Variants in RBFOX1 observed in about 807,000 individuals in gnomAD.
The protein encoded by RBFOX1 is RNA binding protein fox-1 homolog 1.
Under a neutral mutation model 57.7 loss-of-function variants are expected in RBFOX1, and 8 were observed. That is an observed-to-expected ratio of 0.14 (90% confidence interval 0.08 to 0.25). The LOEUF (loss-of-function observed/expected upper bound fraction) is 0.25. Ranked by LOEUF, RBFOX1 falls within the 10% of genes least tolerant of loss-of-function variation. RBFOX1 has a pLI of 1.00. For missense variants in RBFOX1, 611 were observed against 548.5 expected, an observed-to-expected ratio of 1.11 and a Z score of -1.14; for synonymous variants, 326 against 222.4, an observed-to-expected ratio of 1.47 and a Z score of -4.15.
intron 2 of RBFOX1, among the ~76,000 whole-genome samples, chr16:6,576,621 C>T (rs2097441555): frequency 1.3e-5 from 2 of 151,236 alleles, no homozygotes; most frequent in South Asian, 4.2e-4. Context: ...GAGGAAATAA[C>T]AGCTAATGGG....
intron 2 of RBFOX1, among the ~76,000 whole-genome samples, chr16:6,317,307 C>G (rs1346876099): frequency 2.6e-5 from 4 of 152,104 alleles, no homozygotes; most frequent in Non-Finnish European, 5.9e-5. Context: ...TTAACTGCGC[C>G]TTTATTAGCT....
intron 4 of RBFOX1, among the ~76,000 whole-genome samples, chr16:7,160,331 G>A (rs1326723007): frequency 6.6e-6 from 1 of 152,050 alleles, no homozygotes; most frequent in Non-Finnish European, 1.5e-5. Context: ...TGCCTAGTGT[G>A]TAAAATGGCA....
intron 1 of RBFOX1, among the ~76,000 whole-genome samples, chr16:6,250,761 G>T (rs1340336325): frequency 6.6e-6 from 1 of 152,114 alleles, no homozygotes; most frequent in Non-Finnish European, 1.5e-5. Flanking sequence ...AATCAGGCCT[G>T]TCTTGTGTGG....
intron 1 of RBFOX1, among the ~76,000 whole-genome samples, chr16:6,091,014 G>T (rs1253378843): frequency 6.6e-6 from 1 of 152,206 alleles, no homozygotes; most frequent in Non-Finnish European, 1.5e-5. Flanking sequence ...GGGTATTTAA[G>T]ATATTCATCG....
chr16:5,295,025 T>TAAAA (rs34929778), intron 1 of RBFOX1, among the ~76,000 whole-genome samples: 1 of 80,378 alleles, frequency 1.2e-5, no homozygotes, highest in African/African-American at 3.3e-5. Flanking sequence ...GTGAGACTCT[T>TAAAA]AAAAAAAAAA....
At chr16:6,214,566 G>A (rs1336408917) in intron 1 of RBFOX1, among the ~76,000 whole-genome samples, 2 of 121,478 alleles carry the variant, frequency 1.6e-5, no homozygotes, top group African/African-American at 6.4e-5. Flanking sequence ...GGGAGAGGGA[G>A]GGGGGAGAGG....
intron 2 of RBFOX1, among the ~76,000 whole-genome samples, chr16:6,515,820 C>T (rs979804561): frequency 6.6e-6 from 1 of 152,058 alleles, no homozygotes; most frequent in African/African-American, 2.4e-5. Context: ...CCTGAAGTCT[C>T]TCACCCACCC....
chr16:5,576,338 A>T (rs1198328590), intron 2 of RBFOX1, among the ~76,000 whole-genome samples: 1 of 152,104 alleles, frequency 6.6e-6, no homozygotes, highest in Non-Finnish European at 1.5e-5. Flanking sequence ...TTACTTCATA[A>T]TCCTTTTTCC....
In RBFOX1 at chr16:5,867,934, A is replaced by T. The variant is rs149185773; in HGVS notation, c.351+599A>T. On this transcript the variant is annotated intron_variant, in intron 4 of 19. Coordinates refer to the RBFOX1 transcript ENST00000641259. ...ACCATGTTGACCAAGCTGGTCTCAAACTCCTGGCCTCAAGTGATCTGCTCG... is the reference window on the plus strand; with the variant it reads ...ACCATGTTGACCAAGCTGGTCTCAATCTCCTGGCCTCAAGTGATCTGCTCG... 9.4e-3 allele frequency among the ~76,000 whole-genome samples: 1,433 copies of T among 152,042 alleles called. 9 individuals carry two copies. The highest frequency in any genetic ancestry group is 0.015 in the Non-Finnish European group (1,002 of 67,966).
intron 5 of RBFOX1, chr16:7,519,835 C>T: frequency 1.7e-6 from 1 of 596,206 alleles, no homozygotes; most frequent in South Asian, 7.4e-5. Flanking sequence ...ACTAACTTTG[C>T]TACTTGCCAC....
At chr16:5,525,088 T>G (rs1181597866) in intron 2 of RBFOX1, among the ~76,000 whole-genome samples, 3 of 152,208 alleles carry the variant, frequency 2.0e-5, no homozygotes, top group African/African-American at 7.2e-5. Flanking sequence ...ACTGCTCCCC[T>G]GGTGTCTAAT....
chr16:5,445,242 T>TCC (rs2068206016), intron 1 of RBFOX1, among the ~76,000 whole-genome samples: 2 of 152,184 alleles, frequency 1.3e-5, no homozygotes, highest in African/African-American at 2.4e-5. Context: ...GACAAATATT[T>TCC]AGAGGTGAAA....
At chr16:7,674,244 A>T (rs1568398288) in intron 13 of RBFOX1, among the ~76,000 whole-genome samples, 1 of 152,146 alleles carries the variant, frequency 6.6e-6, no homozygotes, top group South Asian at 2.1e-4. Context: ...TAATTATTAC[A>T]TGTTTCAGGG....
intron 3 of RBFOX1, among the ~76,000 whole-genome samples, chr16:6,761,493 C>A (rs1315341964): frequency 3.0e-5 from 4 of 132,290 alleles, no homozygotes; most frequent in Non-Finnish European, 6.4e-5. Flanking sequence ...TCCTTTCTCC[C>A]AATCTCCTTT....
At chr16:7,525,255 T>C in intron 5 of RBFOX1, among the ~76,000 whole-genome samples, 1 of 152,156 alleles carries the variant, frequency 6.6e-6, no homozygotes, top group East Asian at 1.9e-4. Context: ...ATCTCAGAGA[T>C]TATTCTGTAT....
intron 4 of RBFOX1, among the ~76,000 whole-genome samples, chr16:7,144,414 C>CTTA (rs1379545865): frequency 9.1e-5 from 3 of 33,112 alleles, no homozygotes; most frequent in Non-Finnish European, 1.8e-4. Context: ...CTTTTTCTTT[C>CTTA]TTCTTTTTTT....
At chr16:6,109,903 A>C (rs945869659) in intron 1 of RBFOX1, among the ~76,000 whole-genome samples, 2 of 152,204 alleles carry the variant, frequency 1.3e-5, no homozygotes, top group African/African-American at 4.8e-5. Context: ...AACTGAATCA[A>C]ATGCAGAGCT....
At chr16:7,508,312 C>T (rs1180529531) in intron 4 of RBFOX1, among the ~76,000 whole-genome samples, 1 of 152,170 alleles carries the variant, frequency 6.6e-6, no homozygotes, top group African/African-American at 2.4e-5. Context: ...TGAGTATTTT[C>T]TGCGTTATTC....
intron 4 of RBFOX1, among the ~76,000 whole-genome samples, chr16:7,250,833 T>C (rs2153019426): frequency 6.6e-6 from 1 of 152,300 alleles, no homozygotes; most frequent in African/African-American, 2.4e-5. Flanking sequence ...TTTCCTTCTT[T>C]TAGGGAACTT....
Sources: gnomAD v4.1 joint callset for allele counts (sites outside exome capture counted in the v4.1 genomes callset) on GRCh38, gnomAD v4.1.1 for gene constraint, MANE v1.5 for transcripts, NCBI Gene and HGNC (gene_info 2026-07-23, HGNC 2026-07-21) for gene names.